RERE: variants seen among roughly 807,000 people sequenced by gnomAD.
RERE encodes the protein arginine-glutamic acid dipeptide repeats protein.
In RERE, 40 loss-of-function variants were observed where a neutral mutation model predicts 146.1. The ratio of observed to expected loss-of-function variants is 0.27; its 90% CI spans 0.21 to 0.36. The LOEUF (loss-of-function observed/expected upper bound fraction) is 0.36. Among genes scored for constraint, RERE ranks in the 10% least tolerant of loss-of-function variants. RERE has a pLI of 1.00. For synonymous variants in RERE, 1,003 were observed against 866.0 expected, an observed-to-expected ratio of 1.16 and a Z score of -2.78; for missense variants, 1,933 against 2,138.7, an observed-to-expected ratio of 0.90 and a Z score of 1.90.
chr1:8,589,566 T>G (rs373278079), intron 4 of RERE, among the ~76,000 whole-genome samples: 2 of 152,394 alleles, frequency 1.3e-5, no homozygotes, highest in African/African-American at 4.8e-5. Flanking sequence ...CCCTATTTAT[T>G]GAATATCTAA....
At chr1:8,365,555 AC>A (rs1641772603) in intron 13 of RERE, among the ~76,000 whole-genome samples, 1 of 152,166 alleles carries the variant, frequency 6.6e-6, no homozygotes, top group Non-Finnish European at 1.5e-5. Context: ...TTTTGTAAAA[AC>A]CTAAGATGAT....
Position 8,656,049 on chromosome 1 carries a change from CTTTT to C in RERE, c.245_248del (p.Lys82SerfsTer12). ...CGGTATCTGTCCTTTCATAACGAGA[CTTTT>C]TTTTCGGTGGTTTCTTCTTATTCTT... On this transcript the variant is annotated frameshift_variant, in exon 2 of 23. Coordinates refer to ENST00000400908, the MANE Select transcript of RERE (RefSeq NM_001042681.2). LOFTEE classifies it high-confidence loss of function. 1 of 1,613,928 alleles carries C rather than the reference CTTTT, an allele frequency of 6.2e-7. No homozygotes were observed. The highest frequency in any genetic ancestry group is 8.5e-7 in the Non-Finnish European group (1 of 1,179,922).
chr1:8,737,155 C>CT lies in RERE; in HGVS notation c.-145+80004dup, dbSNP rs1338339204. Among the ~76,000 whole-genome samples the CT allele has an allele frequency of 4.6e-5, 7 of 151,314 alleles. No homozygotes were observed. The East Asian group carries it at 5.8e-4, about 13-fold the overall frequency. On this transcript the variant is annotated intron_variant, in intron 1 of 22. Coordinates refer to ENST00000400908, the MANE Select transcript of RERE (RefSeq NM_001042681.2). ...TAATGAATGCTTGCTGGACTGTTTC[C>CT]TTTTTTTTTCTGACAATTTGAAGGT... is the stretch of plus-strand genomic sequence containing the variant.
In RERE at chr1:8,769,105, C is replaced by T. The variant is rs376827614; in HGVS notation, c.-145+48055G>A. On this transcript the variant is annotated intron_variant, in intron 1 of 22. Coordinates refer to ENST00000400908, the MANE Select transcript of RERE (RefSeq NM_001042681.2). ...TGAGTAGTTGTGACCATCTGGCCCA[C>T]GCAGCCTAAAATGTTTACTACCTCA... is the stretch of plus-strand genomic sequence containing the variant. Among the ~76,000 whole-genome samples the T allele has an allele frequency of 8.5e-5, 13 of 152,252 alleles. No individual in the cohort carries two copies. The East Asian group carries it at 1.5e-3, about 18-fold the overall frequency.
intron 11 of RERE, among the ~76,000 whole-genome samples, chr1:8,441,950 T>TTTTTTTTTTTTTTTTTTTTTGA (rs1295131605): frequency 6.6e-6 from 1 of 151,478 alleles, no homozygotes; most frequent in Non-Finnish European, 1.5e-5. Context: ...CACTTTTTGT[T>TTTTTTTTTTTTTTTTTTTTTGA]GCAGGGAAGT....
chr1:8,674,166 C>G (rs1352201670), intron 1 of RERE, among the ~76,000 whole-genome samples: 5 of 152,094 alleles, frequency 3.3e-5, no homozygotes, highest in Non-Finnish European at 7.4e-5. Flanking sequence ...TGCAAGCTTT[C>G]ATTAAATAAT....
At chr1:8,600,841 G>A (rs1646613969) in intron 4 of RERE, among the ~76,000 whole-genome samples, 6 of 140,554 alleles carry the variant, frequency 4.3e-5, no homozygotes, top group Admixed American at 2.3e-4. Context: ...TGCAAGCTCC[G>A]CCTCCAGGGT....
chr1:8,470,365 G>A (rs1328245747), intron 10 of RERE, among the ~76,000 whole-genome samples: 2 of 151,978 alleles, frequency 1.3e-5, no homozygotes, highest in African/African-American at 2.4e-5. Flanking sequence ...CAGTTCAAGC[G>A]ATTCTCCTGC....
intron 15 of RERE, chr1:8,363,670 G>T: frequency 4.6e-6 from 1 of 217,614 alleles, no homozygotes; most frequent in African/African-American, 2.3e-5. Flanking sequence ...TTCCAAAACG[G>T]GATCAAACAT....
In RERE at chr1:8,433,697, ACTACAGGCGC is replaced by A. The variant is rs1160375624; in HGVS notation, c.1204-10900_1204-10891del. On this transcript the variant is annotated intron_variant, in intron 11 of 22. Transcript: ENST00000400908. The stretch of plus-strand genomic sequence containing the variant: ...TGCCTCAGCCTCCCGAGTAGCTGGG[ACTACAGGCGC>A]CCGCCACCGCGCCCGGCTAATTTTT... 7.9e-5 allele frequency among the ~76,000 whole-genome samples: 12 copies of A among 151,624 alleles called. 1 individual carries two copies. Among genetic ancestry groups the A allele is most frequent in the Admixed American group, 5.9e-4 (9 of 15,232 alleles).
chr1:8,661,790 TCA>T (rs1638462023), intron 1 of RERE, among the ~76,000 whole-genome samples: 1 of 152,136 alleles, frequency 6.6e-6, no homozygotes, highest in Non-Finnish European at 1.5e-5. Context: ...GCCTAGAAAA[TCA>T]CAGAGTCGAA....
intron 11 of RERE, among the ~76,000 whole-genome samples, chr1:8,443,321 G>C (rs947228739): frequency 6.6e-6 from 1 of 151,808 alleles, no homozygotes; most frequent in African/African-American, 2.4e-5. Context: ...AATTAGCCCG[G>C]CATGATGGCA....
intron 4 of RERE, among the ~76,000 whole-genome samples, chr1:8,604,576 AGAAG>A (rs1162451160): frequency 0.051 from 5,339 of 104,352 alleles, 241 homozygotes; most frequent in Non-Finnish European, 0.064. Context: ...GTTTAAAAAA[AGAAG>A]GAAGGAAGGA....
intron 4 of RERE, among the ~76,000 whole-genome samples, chr1:8,577,301 G>GCT (rs1025974005): frequency 7.3e-4 from 110 of 151,432 alleles, no homozygotes; most frequent in African/African-American, 2.4e-3. Flanking sequence ...ATAGGCCTTT[G>GCT]CTCTCTCTCT....
chr1:8,526,027 G>A (rs756367126), intron 7 of RERE: 115 of 1,259,034 alleles, frequency 9.1e-5, no homozygotes, highest in Admixed American at 6.9e-4. Context: ...GTCTCTCCAC[G>A]ACGCAATCAA....
chr1:8,606,888 G>C (rs931519129), intron 4 of RERE, among the ~76,000 whole-genome samples: 22 of 152,130 alleles, frequency 1.4e-4, no homozygotes, highest in Non-Finnish European at 2.6e-4. Flanking sequence ...TAAAACATGA[G>C]ATCAAAGATA....
chr1:8,713,274 T>C (rs897870024), intron 1 of RERE, among the ~76,000 whole-genome samples: 1 of 152,232 alleles, frequency 6.6e-6, no homozygotes, highest in African/African-American at 2.4e-5. Flanking sequence ...TTTCTATTGA[T>C]TACCTCTATT....
intron 11 of RERE, among the ~76,000 whole-genome samples, chr1:8,444,504 A>G (rs904174869): frequency 6.6e-6 from 1 of 152,186 alleles, no homozygotes; most frequent in Non-Finnish European, 1.5e-5. Flanking sequence ...TCGATAACGG[A>G]TAATTTGTAA....
At chr1:8,402,425 C>T (rs1643293768) in intron 12 of RERE, among the ~76,000 whole-genome samples, 1 of 152,210 alleles carries the variant, frequency 6.6e-6, no homozygotes, top group Non-Finnish European at 1.5e-5. Context: ...AAAGATAAGA[C>T]ACCCTTACTG....
Sources: allele counts gnomAD v4.1 joint callset (sites outside exome capture counted in the v4.1 genomes callset), GRCh38; gene constraint gnomAD v4.1.1; transcripts MANE v1.5; gene names NCBI Gene and HGNC (gene_info 2026-07-23, HGNC 2026-07-21).